The following NEB variants were observed in gnomAD, a reference collection of about 807,000 sequenced individuals.
NEB encodes nemaline myopathy type 2.
NEB carries 512 observed loss-of-function variants against 952.2 expected under a neutral mutation model. The observed-to-expected ratio is 0.54, with a 90% CI of 0.50 to 0.58. NEB has a LOEUF of 0.58. Among genes scored for constraint, NEB ranks in the 20% least tolerant of loss-of-function variants. NEB has a pLI of 0.00. For missense variants in NEB, 8,428 were observed against 9,231.1 expected, an observed-to-expected ratio of 0.91 and a Z score of 3.56; for synonymous variants, 2,900 against 3,149.8, an observed-to-expected ratio of 0.92 and a Z score of 2.66.
chr2:151,619,399 A>G (rs1402144266), intron 73 of NEB, 52 bp downstream of exon 73: 2 of 1,511,184 alleles, frequency 1.3e-6, no homozygotes, highest in Non-Finnish European at 1.8e-6. Context: ...GAACTCACAG[A>G]CACGTTTCAG....
intron 74 of NEB, 53 bp downstream of exon 74, chr2:151,618,222 T>A: frequency 6.7e-7 from 1 of 1,491,274 alleles, no homozygotes; most frequent in Non-Finnish European, 9.3e-7. Context: ...TCAGAATTTT[T>A]AAATTGTTCT....
rs756013849 is a variant in NEB at position 151,695,697 on chromosome 2, G to A, written c.1570-15C>T. ...TTGTAATTTAACTATGACAGAGAGA[G>A]AACCAATTAGTTCAGAAGAATTGTT... On this transcript the variant is annotated splice_polypyrimidine_tract_variant and intron_variant, in intron 17 of 181. Coordinates refer to ENST00000397345, the MANE Select transcript of NEB (RefSeq NM_001164508.2). 2 of 1,555,236 alleles carry A rather than the reference G, an allele frequency of 1.3e-6. No individual in the cohort carries two copies. The highest frequency in any genetic ancestry group is 2.2e-5 in the South Asian group (2 of 88,898).
intron 24 of NEB, chr2:151,689,429 T>G (rs995450314): frequency 1.3e-5 from 2 of 152,136 alleles, no homozygotes; most frequent in African/African-American, 4.8e-5. Context: ...AGTTTCAAAC[T>G]CCTAGGCTCA....
rs538727749 is a variant in NEB, at chr2:151,549,985, T to G, written c.19945-245A>C. ...GAAATGGTTTATTGAAAGTAGTTCC[T>G]GGCCAGGTGTGGTAGCTGACATCTG... On this transcript the variant is annotated intron_variant, in intron 129 of 181. Coordinates refer to ENST00000397345, the MANE Select transcript of NEB (RefSeq NM_001164508.2). Among the ~76,000 whole-genome samples the G allele has an allele frequency of 1.8e-3, 267 of 152,294 alleles. 2 individuals are homozygous for G. The highest frequency in any genetic ancestry group is 6.8e-3 in the Middle Eastern group (2 of 294).
chr2:151,560,684 C>G lies in NEB; in HGVS notation c.19222G>C (p.Ala6408Pro). The change falls in exon 124 of 182, where the codon GCC (alanine) becomes CCC (proline). Residue 6408 changes from alanine (A) to proline (P), a missense_variant. By Grantham distance (27) the Ala-to-Pro change is conservative. Around this residue, in one of 11 missense-constraint regions of NEB, gnomAD observed 3,374 missense variants for 3,651.5 expected, o/e 0.92. Transcript: ENST00000397345. ...CTGGTGGCTTTCACTCTATCCCAGG[C>G]CTCCTTGTACAGGTTCTGCAGGAAT... ...NLYSSNLYKE[A>P]WDRVKATSYI... is the part of the protein sequence containing the mutation. The G allele has an allele frequency of 6.2e-7, 1 of 1,610,854 alleles. No homozygotes were observed. Among genetic ancestry groups the G allele is most frequent in the East Asian group, 2.2e-5 (1 of 44,746 alleles).
chr2:151,725,592 G>T lies in NEB; in HGVS notation c.295-32C>A, dbSNP rs754061484. 4 of 1,571,786 alleles carry T rather than the reference G, an allele frequency of 2.5e-6. No individual in the cohort carries two copies. In the South Asian group the frequency reaches 4.5e-5, roughly 18 times the overall value. Reference sequence around the variant, plus strand: ...AGAATATCAGATATTAGCCTAACAAGACAGCAGTGAAAATTTCAGGCAACA... The same window carrying T: ...AGAATATCAGATATTAGCCTAACAATACAGCAGTGAAAATTTCAGGCAACA... On this transcript the variant is annotated intron_variant, in intron 5 of 181. Transcript: ENST00000397345.
rs2060106681 is a variant in NEB, at chr2:151,496,259, C to G, written c.24486+17G>C. On this transcript the variant is annotated intron_variant, in intron 173 of 181. Transcript: ENST00000397345. ...TTTAAAATCAGTAAGTAGTTTTTTT[C>G]TTTTCTCGCCAAGTACCGAGCTAAT... 7.0e-6 allele frequency: 11 copies of G among 1,576,812 alleles called. No homozygotes were observed. Among genetic ancestry groups the G allele is most frequent in the Non-Finnish European group, 9.5e-6 (11 of 1,153,402 alleles).
chr2:151,677,573 C>T lies in NEB; in HGVS notation c.3766G>A (p.Val1256Ile). The change falls in exon 34 of 182, where the codon GTC (valine) becomes ATC (isoleucine). Residue 1256 changes from valine to isoleucine, a missense_variant. Transcript: ENST00000397345. ...MVQAKQNTKQ[V>I]SDILYKAKGE... ...TATTTTATTGTACTCACATCACTGA[C>T]TTGCTTCGTGTTCTGTTTTGCCTGG... The T allele has an allele frequency of 6.2e-7, 1 of 1,613,090 alleles. No homozygotes were observed. Among genetic ancestry groups the T allele is most frequent in the Non-Finnish European group, 8.5e-7 (1 of 1,179,172 alleles).
At chr2:151,529,138 TA>T in intron 146 of NEB, 71 bp downstream of exon 146, 1 of 1,010,558 alleles carries the variant, frequency 9.9e-7, no homozygotes, top group Non-Finnish European at 1.6e-6. Context: ...TGAAGAGATG[TA>T]AAAAGAGGCC....
In NEB at chr2:151,636,310, C is replaced by T. The variant is rs761568925; in HGVS notation, c.9019G>A (p.Glu3007Lys). The T allele has an allele frequency of 8.1e-6, 13 of 1,607,778 alleles. No individual in the cohort carries two copies. The South Asian group carries it at 8.8e-5, about 11-fold the overall frequency. Residue 3007 changes from glutamate (E) to lysine (K), a missense_variant, in exon 64 of 182, where the codon GAA (glutamate) becomes AAA (lysine). Glu to Lys is a moderately conservative substitution (Grantham distance 56). This residue lies in a region of NEB where 1,772 missense variants were observed against 1,960.3 expected (regional missense o/e 0.90). Transcript: ENST00000397345. ...SESLYKLANEEAKKKGYDLRS... is the reference protein window; with the variant it reads ...SESLYKLANEKAKKKGYDLRS... Reference sequence around the variant, plus strand: ...AAGTCATAGCCTTTCTTCTTTGCTTCTTCATTAGCAAGTTTGTACAGACTC... The same window carrying T: ...AAGTCATAGCCTTTCTTCTTTGCTTTTTCATTAGCAAGTTTGTACAGACTC...
Position 151,633,913 on chromosome 2 carries a change from C to A in NEB, c.9155G>T (p.Arg3052Leu), listed in dbSNP as rs201176993. The A allele has an allele frequency of 6.2e-7, 1 of 1,613,942 alleles. No homozygotes were observed. Among genetic ancestry groups the A allele is most frequent in the East Asian group, 2.2e-5 (1 of 44,872 alleles). ...CATCTTGGGGTCATCTTCAATGTTC[C>A]GGGCTCCAATATGGTGGCCAAGTTG... ...CKQLGHHIGA[R>L]NIEDDPKMMW... The change falls in exon 65 of 182, where the codon CGG (arginine) becomes CTG (leucine). Residue 3052 changes from arginine to leucine, a missense_variant. Transcript: ENST00000397345.
intron 54 of NEB, among the ~76,000 whole-genome samples, chr2:151,649,618 A>G (rs1336624128): frequency 6.6e-6 from 1 of 152,146 alleles, no homozygotes; most frequent in African/African-American, 2.4e-5. Context: ...CCACCCTGCT[A>G]TATTTTATGT....
At position 151,709,640 on chromosome 2, in the gene NEB, G is replaced by T. The variant is rs141976907; in HGVS notation, c.1035+16C>A. 369 of 1,550,160 alleles carry T rather than the reference G, an allele frequency of 2.4e-4. No homozygotes were observed. In the African/African-American group the frequency reaches 4.1e-3, roughly 17 times the overall value. On this transcript the variant is annotated intron_variant, in intron 12 of 181. Coordinates refer to ENST00000397345, the MANE Select transcript of NEB (RefSeq NM_001164508.2). ...ACACTCAAACCATCAAGATAAATGG[G>T]ATGATTTCCTCATACCTTGCTAGCT...
intron 54 of NEB, among the ~76,000 whole-genome samples, chr2:151,646,475 A>G (rs1213384925): frequency 1.3e-5 from 2 of 152,192 alleles, no homozygotes; most frequent in Non-Finnish European, 2.9e-5. Context: ...CCTACAAGAA[A>G]TCAATCTAGG....
In NEB at chr2:151,643,407, C is replaced by A. The variant is rs1235266166; in HGVS notation, c.7957-54G>T. 2.1e-6 allele frequency: 3 copies of A among 1,396,590 alleles called. No homozygotes were observed. In the African/African-American group the frequency reaches 4.3e-5, roughly 20 times the overall value. 86.5% of individuals were successfully genotyped at this position (1,396,590 alleles called of 1,614,324 possible). A position where few individuals can be genotyped will look rare whatever the true frequency, so the allele number is the denominator to read the frequency against. ...AATTAAATCATTTATCACAATTTGT[C>A]ATAATTTGTCATAATTAAATCATTT... On this transcript the variant is annotated intron_variant, in intron 57 of 181. Transcript: ENST00000397345.
chr2:151,653,478 T>G (rs192423523), intron 52 of NEB, among the ~76,000 whole-genome samples: 1 of 152,286 alleles, frequency 6.6e-6, no homozygotes, highest in East Asian at 1.9e-4. Flanking sequence ...CCTTGGGAAC[T>G]TAAACCTAAA....
Position 151,733,163 on chromosome 2 carries a change from A to T in NEB, c.-7T>A. On this transcript the variant is annotated 5_prime_UTR_variant, in exon 3 of 182. Coordinates refer to ENST00000397345, the MANE Select transcript of NEB (RefSeq NM_001164508.2). ...AGTCTTCGTCATCTGCCATTTTTCCAGAGTAGTAGTGGCACCTACAAACTT... is the reference window on the plus strand; with the variant it reads ...AGTCTTCGTCATCTGCCATTTTTCCTGAGTAGTAGTGGCACCTACAAACTT... The T allele has an allele frequency of 1.2e-6, 2 of 1,603,850 alleles. No homozygotes were observed.
chr2:151,705,022 A>G (rs1000374794), intron 13 of NEB, among the ~76,000 whole-genome samples: 4 of 152,210 alleles, frequency 2.6e-5, no homozygotes, highest in Non-Finnish European at 4.4e-5. Flanking sequence ...ATAGCACCAC[A>G]GCAAACACAG....
In NEB at chr2:151,497,645, T is replaced by C; in HGVS notation, c.24281A>G (p.Asn8094Ser). The C allele has an allele frequency of 6.3e-7, 1 of 1,579,386 alleles. No individual in the cohort carries two copies. Among genetic ancestry groups the C allele is most frequent in the Non-Finnish European group, 8.6e-7 (1 of 1,160,112 alleles). The change falls in exon 171 of 182, where the codon AAT (asparagine) becomes AGT (serine). Residue 8094 changes from asparagine (N) to serine (S), a missense_variant. Coordinates refer to ENST00000397345, the MANE Select transcript of NEB (RefSeq NM_001164508.2). ...VTPEMERVKH[N>S]QENISSVLYK... is the part of the protein sequence containing the mutation. ...AAGTACCGAGCTAATATTTTCTTGATTGTGTTTGACTCTTTCCATCTCGGG... is the reference window on the plus strand; with the variant it reads ...AAGTACCGAGCTAATATTTTCTTGACTGTGTTTGACTCTTTCCATCTCGGG...
Sources: gnomAD v4.1 joint callset for allele counts (sites outside exome capture counted in the v4.1 genomes callset) on GRCh38, gnomAD v4.1.1 for gene constraint, gnomAD v4.1.1 regional missense constraint, MANE v1.5 for transcripts, NCBI Gene and HGNC (gene_info 2026-07-23, HGNC 2026-07-21) for gene names.